Variants in SERPINE2 observed in about 807,000 individuals in gnomAD.
SERPINE2 encodes the protein serpin family E member 2.
A neutral mutation model predicts 36.3 loss-of-function variants in SERPINE2; 14 were observed. The observed-to-expected ratio is 0.39, with a 90% CI of 0.25 to 0.60. SERPINE2 has a LOEUF of 0.60. Ranked by LOEUF, SERPINE2 falls within the 20% of genes least tolerant of loss-of-function variation. The probability of loss-of-function intolerance (pLI) is 0.57; values close to 1 mark genes in which losing one functional copy is unlikely to be tolerated. For synonymous variants in SERPINE2, 192 were observed against 191.8 expected (o/e 1.00, Z -0.01); for missense variants, 418 against 499.6 (o/e 0.84, Z 1.56).
At chr2:224,012,719 G>C (rs1052790581) in intron 1 of SERPINE2, among the ~76,000 whole-genome samples, 1 of 152,098 alleles carries the variant, frequency 6.6e-6, no homozygotes, top group Admixed American at 6.5e-5. Context: ...TCTGTATACC[G>C]TTATGTAGCC....
intron 3 of SERPINE2, among the ~76,000 whole-genome samples, chr2:223,994,679 G>C (rs1267157374): frequency 6.6e-6 from 1 of 152,196 alleles, no homozygotes; most frequent in Non-Finnish European, 1.5e-5. Flanking sequence ...GCTATGGAGG[G>C]CTAAGAAGGT....
chr2:224,008,657 A>G (rs1422342498), intron 1 of SERPINE2, among the ~76,000 whole-genome samples: 1 of 152,190 alleles, frequency 6.6e-6, no homozygotes, highest in African/African-American at 2.4e-5. Context: ...CATTTTATAC[A>G]TCTTCTGTTC....
chr2:224,025,813 C>T (rs1280091620), intron 1 of SERPINE2, among the ~76,000 whole-genome samples: 1 of 150,580 alleles, frequency 6.6e-6, no homozygotes, highest in East Asian at 2.0e-4. Flanking sequence ...AAGTTGCCCT[C>T]AGAGGCAAAA....
Position 223,980,327 on chromosome 2 carries a change from T to G in SERPINE2, c.1056A>C (p.Lys352Asn). 1 of 1,614,092 alleles carries G rather than the reference T, an allele frequency of 6.2e-7. No homozygotes were observed. The change falls in exon 7 of 9, where the codon AAA becomes AAC. Residue 352 changes from lysine (K) to asparagine (N), a missense_variant. Transcript: ENST00000409304. ...AGTGCTTACTTGTTGCTGCTGAAGCTTTGGTTCCATCTTCACTGACTTCAA... is the reference window on the plus strand; with the variant it reads ...AGTGCTTACTTGTTGCTGCTGAAGCGTTGGTTCCATCTTCACTGACTTCAA... The part of the protein sequence containing the change: ...AKIEVSEDGT[K>N]ASAATTAILI...
intron 2 of SERPINE2, among the ~76,000 whole-genome samples, chr2:224,001,068 G>A (rs148865683): frequency 5.3e-5 from 8 of 152,116 alleles, no homozygotes; most frequent in South Asian, 4.1e-4. Context: ...TGGTACCGTC[G>A]TTGCATCAGG....
chr2:224,026,755 G>A (rs1039103825), intron 1 of SERPINE2, among the ~76,000 whole-genome samples: 4 of 152,134 alleles, frequency 2.6e-5, no homozygotes, highest in African/African-American at 9.7e-5. Context: ...GGCCCAGAAG[G>A]GATCAGGCCT....
At chr2:224,038,700 G>A in intron 1 of SERPINE2, 1 of 615,000 alleles carries the variant, frequency 1.6e-6, no homozygotes, top group Non-Finnish European at 2.9e-6. Context: ...CCGGGGTAGG[G>A]GTTGCCGGCG....
chr2:224,016,660 T>C (rs1691810544), intron 1 of SERPINE2, among the ~76,000 whole-genome samples: 1 of 152,168 alleles, frequency 6.6e-6, no homozygotes, highest in South Asian at 2.1e-4. Context: ...TCATTTCACA[T>C]AAAAACCTGT....
chr2:223,998,296 C>G lies in SERPINE2; in HGVS notation c.306G>C (p.Lys102Asn). 2 of 1,614,184 alleles carry G rather than the reference C, an allele frequency of 1.2e-6. No homozygotes were observed. The highest frequency in any genetic ancestry group is 1.7e-6 in the Non-Finnish European group (2 of 1,179,984). The change falls in exon 3 of 9, where the codon AAG becomes AAC. Residue 102 changes from lysine (K) to asparagine (N), a missense_variant. Transcript: ENST00000409304. The part of the protein sequence containing the change: ...LKKINKAIVS[K>N]KNKDIVTVAN... ...CCACTGTCACAATGTCTTTATTCTTCTTGGAGACGATGGCCTTGTTGATCT... is the reference window on the plus strand; with the variant it reads ...CCACTGTCACAATGTCTTTATTCTTGTTGGAGACGATGGCCTTGTTGATCT...
chr2:224,014,894 C>A (rs1182453789), intron 1 of SERPINE2, among the ~76,000 whole-genome samples: 2 of 152,218 alleles, frequency 1.3e-5, no homozygotes, highest in South Asian at 4.1e-4. Flanking sequence ...GGGCTTGGTA[C>A]CTGCCCTCCC....
At chr2:224,016,885 T>G (rs997862108) in intron 1 of SERPINE2, among the ~76,000 whole-genome samples, 4 of 152,200 alleles carry the variant, frequency 2.6e-5, no homozygotes, top group African/African-American at 7.2e-5. Context: ...AGATGCATAG[T>G]GTGTAATTCC....
rs775914764 is a variant in SERPINE2 at position 223,984,832 on chromosome 2, G to A, written c.804C>T (p.Ile268=). The A allele has an allele frequency of 2.5e-6, 4 of 1,614,128 alleles. No homozygotes were observed. Among genetic ancestry groups the A allele is most frequent in the Non-Finnish European group, 3.4e-6 (4 of 1,180,022 alleles). The stretch of plus-strand genomic sequence containing the variant: ...TGGTCTTGGTGCTGATGTGTGGGAT[G>A]ATGGCAGACAGCGGAGTGGAGCTCT... ...PTESSTPLSA[I]IPHISTKTID... The change falls in exon 5 of 9, where the codon ATC becomes ATT. Residue 268 remains isoleucine (I), a synonymous_variant. Transcript: ENST00000409304.
chr2:224,010,386 C>T (rs184419375), intron 1 of SERPINE2: 21 of 984,694 alleles, frequency 2.1e-5, no homozygotes, highest in Non-Finnish European at 2.5e-5. Context: ...CCAAATGGTC[C>T]CTTCAATGAA....
At chr2:224,006,903 C>T (rs1005138473) in intron 1 of SERPINE2, among the ~76,000 whole-genome samples, 2 of 152,170 alleles carry the variant, frequency 1.3e-5, no homozygotes, top group Admixed American at 1.3e-4. Flanking sequence ...CACTTTCCAG[C>T]GTGCCTCGCT....
intron 7 of SERPINE2, chr2:223,979,779 GTTGT>G (rs1462732275): frequency 1.3e-5 from 2 of 152,598 alleles, no homozygotes; most frequent in African/African-American, 4.8e-5. Context: ...TTAAGTACTT[GTTGT>G]TTATTTTATG....
intron 1 of SERPINE2, chr2:224,038,815 C>G (rs1003770908): frequency 7.8e-6 from 3 of 386,842 alleles, no homozygotes; most frequent in East Asian, 4.3e-5. Context: ...GGACGCCACC[C>G]CGGGGCGGCC....
At position 223,985,039 on chromosome 2, in the gene SERPINE2, A is replaced by G. The variant is rs879890090; in HGVS notation, c.686-89T>C. The stretch of plus-strand genomic sequence containing the variant: ...GCTGGTCACCGGGATAGCTTCAGAG[A>G]GCAACTCAGTTGGAGAACTTCCCTT... On this transcript the variant is annotated intron_variant, in intron 4 of 8. Coordinates refer to ENST00000409304, the MANE Select transcript of SERPINE2 (RefSeq NM_001136528.2). The G allele has an allele frequency of 1.7e-5, 19 of 1,130,834 alleles. No individual in the cohort carries two copies. In the South Asian group the frequency reaches 2.0e-4, roughly 12 times the overall value. The allele number at this position is 1,130,834 out of a possible 1,614,324, so 70.1% of individuals were successfully genotyped here.
intron 3 of SERPINE2, among the ~76,000 whole-genome samples, chr2:223,996,912 T>A (rs1027755722): frequency 5.3e-5 from 8 of 151,868 alleles, no homozygotes; most frequent in African/African-American, 1.9e-4. Flanking sequence ...CCCCACCTCT[T>A]CAAAAAATAA....
In SERPINE2 at chr2:224,021,160, G is replaced by A. The variant is rs147547285; in HGVS notation, c.-23+17939C>T. 1.0e-3 allele frequency among the ~76,000 whole-genome samples: 156 copies of A among 152,264 alleles called. 1 individual carries two copies. The highest frequency in any genetic ancestry group is 3.5e-3 in the African/African-American group (146 of 41,542). On this transcript the variant is annotated intron_variant, in intron 1 of 8. Transcript: ENST00000409304. ...CATAAGTGCTCATAGCTGTTGCCCT[G>A]GCGTTAGAAATGCCCTTGACATTCT...
Sources: gnomAD v4.1 joint callset for allele counts (sites outside exome capture counted in the v4.1 genomes callset) on GRCh38, gnomAD v4.1.1 for gene constraint, MANE v1.5 for transcripts, NCBI Gene and HGNC (gene_info 2026-07-23, HGNC 2026-07-21) for gene names.